Variants in ANKRD26 observed in about 807,000 individuals in gnomAD.
ANKRD26 encodes ankyrin repeat domain 26.
Under a neutral mutation model 208.7 loss-of-function variants are expected in ANKRD26, and 141 were observed. That is an observed-to-expected ratio of 0.68 (90% CI 0.59 to 0.78). ANKRD26 has a LOEUF of 0.78. ANKRD26 is among the 30% of genes least tolerant of loss of function. ANKRD26 has a pLI of 0.00. For synonymous variants in ANKRD26, 636 were observed against 660.4 expected (o/e 0.96, Z 0.57); for missense variants, 1,889 against 1,938.7 (o/e 0.97, Z 0.48).
chr10:27,011,737 G>T (rs541776829), intron 32 of ANKRD26, among the ~76,000 whole-genome samples: 1 of 152,172 alleles, frequency 6.6e-6, no homozygotes, highest in Non-Finnish European at 1.5e-5. Context: ...GGATCCAGGG[G>T]AGATGAGGAC....
intron 15 of ANKRD26, among the ~76,000 whole-genome samples, chr10:27,060,045 C>T (rs1312513912): frequency 2.0e-5 from 3 of 151,894 alleles, no homozygotes; most frequent in Non-Finnish European, 4.4e-5. Flanking sequence ...ACTTAAAATA[C>T]AAAAATTTGC....
chr10:26,951,509 ACT>A, the ANKRD26 span, among the ~76,000 whole-genome samples: 1 of 152,106 alleles, frequency 6.6e-6, no homozygotes, highest in Non-Finnish European at 1.5e-5. Context: ...TGCTCTTGTG[ACT>A]CACCTTTTAT....
chr10:26,999,304 A>G (rs1424970800), downstream of ANKRD26, among the ~76,000 whole-genome samples: 1 of 152,220 alleles, frequency 6.6e-6, no homozygotes, highest in Non-Finnish European at 1.5e-5. Flanking sequence ...GCAAATACCC[A>G]GCCAGAGTTT....
intron 5 of ANKRD26, among the ~76,000 whole-genome samples, chr10:26,993,585 G>A (rs2052527891): frequency 6.6e-6 from 1 of 152,194 alleles, no homozygotes; most frequent in Non-Finnish European, 1.5e-5. Flanking sequence ...TAGTTGCAGA[G>A]AGGGGACTAA....
Position 27,037,981 on chromosome 10 carries a change from T to C in ANKRD26, c.2449A>G (p.Arg817Gly). Residue 817 changes from arginine (R) to glycine (G), a missense_variant, in exon 22 of 34, where the codon AGA becomes GGA. Around this residue, in one of 3 missense-constraint regions of ANKRD26, gnomAD observed 1,272 missense variants for 1,273.8 expected, o/e 1.00. Coordinates refer to ENST00000376087, the MANE Select transcript of ANKRD26 (RefSeq NM_014915.3). ...TTCCTATATTGCTCTTCTTTTCTTC[T>C]TAACTGTTCCCTAATTTTTTCATAC... ...TLYEKIREQL[R>G]RKEEQYRKEV... 3.7e-6 allele frequency: 6 copies of C among 1,613,176 alleles called. No individual in the cohort carries two copies. In the East Asian group the frequency reaches 1.3e-4, roughly 36 times the overall value.
intron 4 of ANKRD26, among the ~76,000 whole-genome samples, chr10:26,981,852 C>T (rs111962590): frequency 3.3e-5 from 5 of 152,214 alleles, no homozygotes; most frequent in Non-Finnish European, 5.9e-5. Flanking sequence ...CCACTCATGT[C>T]GTGGCTACCT....
intron 5 of ANKRD26, among the ~76,000 whole-genome samples, chr10:26,976,222 C>CT (rs10707905): frequency 8.0e-5 from 12 of 150,104 alleles, no homozygotes; most frequent in Non-Finnish European, 1.6e-4. Flanking sequence ...TAATTTTTTT[C>CT]TTTTTTTTTT....
chr10:27,088,548 T>A (rs1444451684), intron 4 of ANKRD26: 1 of 152,178 alleles, frequency 6.6e-6, no homozygotes, highest in African/African-American at 2.4e-5. Flanking sequence ...TGAGGTACAA[T>A]CTGAAAATAT....
In ANKRD26 at chr10:27,044,207, C is replaced by A; in HGVS notation, c.1986-17G>T. On this transcript the variant is annotated splice_polypyrimidine_tract_variant and intron_variant, in intron 18 of 33. Coordinates refer to ENST00000376087, the MANE Select transcript of ANKRD26 (RefSeq NM_014915.3). ...TTAGTAGGCCTAAAAAAAAAAAATACCTTTCAGGCAAATAGTAAACATGTA... is the reference window on the plus strand; with the variant it reads ...TTAGTAGGCCTAAAAAAAAAAAATAACTTTCAGGCAAATAGTAAACATGTA... 2 of 1,413,654 alleles carry A rather than the reference C, an allele frequency of 1.4e-6. No homozygotes were observed. The highest frequency in any genetic ancestry group is 1.9e-6 in the Non-Finnish European group (2 of 1,035,242). 87.6% of individuals were successfully genotyped at this position (1,413,654 alleles called of 1,614,324 possible). A position where few individuals can be genotyped will look rare whatever the true frequency, so the allele number is the denominator to read the frequency against.
chr10:27,016,838 T>G (rs1383901391), intron 30 of ANKRD26, among the ~76,000 whole-genome samples: 1 of 151,438 alleles, frequency 6.6e-6, no homozygotes, highest in Non-Finnish European at 1.5e-5. Context: ...TTCCTTTACT[T>G]TTGAGTTAGT....
At chr10:26,957,610 A>C in the ANKRD26 span, among the ~76,000 whole-genome samples, 1 of 152,158 alleles carries the variant, frequency 6.6e-6, no homozygotes, top group African/African-American at 2.4e-5. Context: ...TAATTAAAAA[A>C]AGAAACGGAA....
chr10:27,082,024 C>T (rs772909959), intron 6 of ANKRD26, among the ~76,000 whole-genome samples: 42 of 144,178 alleles, frequency 2.9e-4, no homozygotes, highest in Non-Finnish European at 5.8e-4. Flanking sequence ...TTGTGAGCCA[C>T]CACGCCCAGC....
rs377209214 is a variant in ANKRD26 at position 27,005,025 on chromosome 10, G to A, written c.*565C>T. ...GAGAAAGTCTTTGTACTAAAACTTC[G>A]AAATTTTCTCTAAACTGAAGGCTAT... On this transcript the variant is annotated 3_prime_UTR_variant, in exon 34 of 34. Transcript: ENST00000376087. The A allele has an allele frequency of 2.2e-5, 22 of 984,108 alleles. No homozygotes were observed. The highest frequency in any genetic ancestry group is 2.1e-4 in the African/African-American group (12 of 57,284). 61.0% of individuals were successfully genotyped at this position (984,108 alleles called of 1,614,324 possible).
At chr10:27,083,374 A>T (rs570541771) in intron 5 of ANKRD26, among the ~76,000 whole-genome samples, 1 of 151,642 alleles carries the variant, frequency 6.6e-6, no homozygotes, top group South Asian at 2.1e-4. Flanking sequence ...GAAAAAAAAA[A>T]TTTAAGCAAA....
intron 18 of ANKRD26, among the ~76,000 whole-genome samples, chr10:27,045,783 T>C (rs113506186): frequency 1.2e-4 from 18 of 152,226 alleles, no homozygotes; most frequent in African/African-American, 4.3e-4. Flanking sequence ...CCATATATGA[T>C]AGTTTAACTT....
intron 23 of ANKRD26, among the ~76,000 whole-genome samples, chr10:27,036,365 G>A (rs1320165631): frequency 1.3e-5 from 2 of 151,476 alleles, no homozygotes; most frequent in African/African-American, 4.9e-5. Flanking sequence ...AAAAGCAGCT[G>A]TATGATTTTC....
At chr10:26,987,328 T>C (rs922939503), downstream of ANKRD26, among the ~76,000 whole-genome samples, 83 of 152,110 alleles carry the variant, frequency 5.5e-4, 1 homozygote, top group African/African-American at 1.4e-3. Context: ...ATACCTAATG[T>C]TAAATGACCA....
chr10:26,953,850 T>C, the ANKRD26 span, among the ~76,000 whole-genome samples: 2 of 152,184 alleles, frequency 1.3e-5, no homozygotes, highest in African/African-American at 4.8e-5. Flanking sequence ...GGTGATCACA[T>C]GTATTGCCCA....
At position 27,082,746 on chromosome 10, in the gene ANKRD26, C is replaced by T; in HGVS notation, c.740+57G>A. The T allele has an allele frequency of 1.3e-6, 2 of 1,531,532 alleles. 1 individual carries two copies. Among genetic ancestry groups the T allele is most frequent in the South Asian group, 2.5e-5 (2 of 80,974 alleles). 94.9% of individuals were successfully genotyped at this position (1,531,532 alleles called of 1,614,324 possible). ...TGTCTACCCAGAGTAGGGCACTCAA[C>T]AGTTTCTTTTCTCTGTATTCCTTTA... On this transcript the variant is annotated intron_variant, in intron 6 of 33. Transcript: ENST00000376087.
Sources: allele counts gnomAD v4.1 joint callset (sites outside exome capture counted in the v4.1 genomes callset), GRCh38; gene constraint gnomAD v4.1.1; regional missense constraint gnomAD v4.1.1; transcripts MANE v1.5; gene names NCBI Gene and HGNC (gene_info 2026-07-23, HGNC 2026-07-21).